CAMKMT: variants seen among roughly 807,000 people sequenced by gnomAD.
The protein encoded by CAMKMT is calmodulin-lysine N-methyltransferase.
In CAMKMT, 53 loss-of-function variants were observed where a neutral mutation model predicts 48.0. The observed-to-expected ratio is 1.10, with a 90% CI of 0.89 to 1.39. The LOEUF (loss-of-function observed/expected upper bound fraction) is 1.39. Ranked by LOEUF, CAMKMT falls within the 40% of genes most tolerant of loss-of-function variation. CAMKMT has a pLI of 0.00. For synonymous variants in CAMKMT, 165 were observed against 152.3 expected, an observed-to-expected ratio of 1.08 and a Z score of -0.61; for missense variants, 428 against 402.7, an observed-to-expected ratio of 1.06 and a Z score of -0.54.
At chr2:44,569,030 C>T (rs1022203617) in intron 3 of CAMKMT, among the ~76,000 whole-genome samples, 2 of 152,198 alleles carry the variant, frequency 1.3e-5, no homozygotes, top group Non-Finnish European at 2.9e-5. Flanking sequence ...CATCACATCT[C>T]AGTTTCTGGA....
intron 3 of CAMKMT, among the ~76,000 whole-genome samples, chr2:44,483,586 C>T (rs143013535): frequency 2.0e-5 from 3 of 152,130 alleles, no homozygotes; most frequent in African/African-American, 7.2e-5. Flanking sequence ...CTAAAGTTTG[C>T]TTGTAATTTG....
At chr2:44,372,611 A>G in intron 1 of CAMKMT, 105 bp from the exon 2 acceptor site, 1 of 868,596 alleles carries the variant, frequency 1.2e-6, no homozygotes, top group South Asian at 1.8e-5. Context: ...ATCTGTCATT[A>G]TTAGAAGGGA....
chr2:44,400,377 G>A (rs902066648), intron 3 of CAMKMT, among the ~76,000 whole-genome samples: 8 of 151,820 alleles, frequency 5.3e-5, no homozygotes, highest in Non-Finnish European at 1.2e-4. Context: ...CTAATGGCCC[G>A]AGTCTGAGCT....
intron 3 of CAMKMT, among the ~76,000 whole-genome samples, chr2:44,424,824 G>A (rs900086888): frequency 2.6e-5 from 4 of 152,084 alleles, no homozygotes; most frequent in Non-Finnish European, 5.9e-5. Context: ...TATACTGCTC[G>A]GGTGATGGGT....
At chr2:44,552,562 G>A (rs1249056494) in intron 3 of CAMKMT, among the ~76,000 whole-genome samples, 1 of 152,154 alleles carries the variant, frequency 6.6e-6, no homozygotes, top group Admixed American at 6.5e-5. Context: ...TGAGGTCTGA[G>A]GCAACCACTC....
chr2:44,665,672 C>A lies in CAMKMT; in HGVS notation c.377-38611C>A, dbSNP rs1674926717. The stretch of plus-strand genomic sequence containing the variant: ...ATTTCTTATATGCCCTATAAGCATA[C>A]CAAAGGTGAAAAGGGGGTTGTACTC... On this transcript the variant is annotated intron_variant, in intron 3 of 10. Coordinates refer to ENST00000378494, the MANE Select transcript of CAMKMT (RefSeq NM_024766.5). 3.9e-5 allele frequency among the ~76,000 whole-genome samples: 6 copies of A among 152,172 alleles called. No individual in the cohort carries two copies. In the South Asian group the frequency reaches 1.2e-3, roughly 32 times the overall value.
At chr2:44,749,879 A>T (rs547713833) in intron 8 of CAMKMT, among the ~76,000 whole-genome samples, 3 of 152,096 alleles carry the variant, frequency 2.0e-5, no homozygotes, top group African/African-American at 7.2e-5. Flanking sequence ...GGTGGTGCTT[A>T]CTCTTGCTGT....
chr2:44,373,750 C>G (rs528910050), intron 2 of CAMKMT, among the ~76,000 whole-genome samples: 50 of 152,070 alleles, frequency 3.3e-4, no homozygotes, highest in African/African-American at 1.2e-3. Context: ...AACATAATAG[C>G]TAAAAATTGG....
chr2:44,568,137 C>T (rs914936352), intron 3 of CAMKMT, among the ~76,000 whole-genome samples: 3 of 151,912 alleles, frequency 2.0e-5, no homozygotes, highest in African/African-American at 4.8e-5. Context: ...CACTGGAGAG[C>T]GAGATGAAGG....
rs1201403485 is a variant in CAMKMT at position 44,664,628 on chromosome 2, TAAAAC to T, written c.377-39651_377-39647del. 2.6e-5 allele frequency among the ~76,000 whole-genome samples: 4 copies of T among 152,226 alleles called. No individual in the cohort carries two copies. In the East Asian group the frequency reaches 5.8e-4, roughly 22 times the overall value. On this transcript the variant is annotated intron_variant, in intron 3 of 10. Coordinates refer to ENST00000378494, the MANE Select transcript of CAMKMT (RefSeq NM_024766.5). ...AAGGTGTTTATAATTTAAGAGGAAATAAAACAAATACATAAATTAAGCTAGAATGT... is the reference window on the plus strand; with the variant it reads ...AAGGTGTTTATAATTTAAGAGGAAATAAATACATAAATTAAGCTAGAATGT...
At chr2:44,366,109 C>T (rs1678561632) in intron 1 of CAMKMT, among the ~76,000 whole-genome samples, 1 of 152,252 alleles carries the variant, frequency 6.6e-6, no homozygotes, top group Admixed American at 6.5e-5. Flanking sequence ...CTTTCTCAAA[C>T]ATTCAACTTG....
At chr2:44,686,011 A>AGAT (rs1451873421) in intron 3 of CAMKMT, among the ~76,000 whole-genome samples, 2 of 152,198 alleles carry the variant, frequency 1.3e-5, no homozygotes, top group African/African-American at 4.8e-5. Flanking sequence ...AATATATGAT[A>AGAT]GATGATAGTA....
Position 44,363,544 on chromosome 2 carries a change from AT to A in CAMKMT, c.138+1413del, listed in dbSNP as rs937323409. 2.8e-3 allele frequency among the ~76,000 whole-genome samples: 394 copies of A among 141,984 alleles called. 3 individuals carry two copies. The highest frequency in any genetic ancestry group is 0.016 in the East Asian group (76 of 4,892). 93.1% of individuals were successfully genotyped at this position (141,984 alleles called of 152,430 possible). On this transcript the variant is annotated intron_variant, in intron 1 of 10. Transcript: ENST00000378494. ...AGGCATGCACCACCACGCCTGGCTA[AT>A]TTTTTTTTTTTTTAAGTAGAGACGG...
chr2:44,366,449 C>G (rs1214471695), intron 1 of CAMKMT, among the ~76,000 whole-genome samples: 2 of 152,042 alleles, frequency 1.3e-5, no homozygotes, highest in Non-Finnish European at 2.9e-5. Context: ...CTTACTTTTG[C>G]TTTCTCTTTT....
chr2:44,692,825 A>G (rs1052523945), intron 3 of CAMKMT, among the ~76,000 whole-genome samples: 5 of 152,212 alleles, frequency 3.3e-5, no homozygotes, highest in African/African-American at 1.2e-4. Context: ...ATTACTTTCT[A>G]ATATCTTACA....
chr2:44,536,326 AC>A, intron 3 of CAMKMT, among the ~76,000 whole-genome samples: 1 of 150,750 alleles, frequency 6.6e-6, no homozygotes, highest in South Asian at 2.1e-4. Context: ...TAAAATACCA[AC>A]TTTTTTTTTT....
chr2:44,641,412 C>A lies in CAMKMT; in HGVS notation c.377-62871C>A, dbSNP rs1221778517. Among the ~76,000 whole-genome samples the A allele has an allele frequency of 3.6e-4, 55 of 152,076 alleles. 1 individual carries two copies. The highest frequency in any genetic ancestry group is 3.6e-3 in the Admixed American group (55 of 15,260). On this transcript the variant is annotated intron_variant, in intron 3 of 10. Coordinates refer to ENST00000378494, the MANE Select transcript of CAMKMT (RefSeq NM_024766.5). ...TATGTATTAGGAACAGCAGTTTTCCCAGCTGAGGTGATAACAGTCCTAGTC... is the reference window on the plus strand; with the variant it reads ...TATGTATTAGGAACAGCAGTTTTCCAAGCTGAGGTGATAACAGTCCTAGTC...
At chr2:44,382,583 G>A (rs902494976) in intron 2 of CAMKMT, among the ~76,000 whole-genome samples, 17 of 151,362 alleles carry the variant, frequency 1.1e-4, no homozygotes, top group Non-Finnish European at 2.1e-4. Context: ...GGTTCATGCC[G>A]ATCTTCTGCC....
chr2:44,506,982 CA>C lies in CAMKMT; in HGVS notation c.376+116679del, dbSNP rs1670292769. ...AAAACGTTTTAATTCGAAAAGCTCA[CA>C]AGGCATTTAGAAAGGTAGTGCCTAC... On this transcript the variant is annotated intron_variant, in intron 3 of 10. Transcript: ENST00000378494. 2.0e-5 allele frequency among the ~76,000 whole-genome samples: 3 copies of C among 152,034 alleles called. No individual in the cohort carries two copies. In the South Asian group the frequency reaches 6.2e-4, roughly 32 times the overall value.
Sources: gnomAD v4.1 joint callset for allele counts (sites outside exome capture counted in the v4.1 genomes callset) on GRCh38, gnomAD v4.1.1 for gene constraint, MANE v1.5 for transcripts, NCBI Gene and HGNC (gene_info 2026-07-23, HGNC 2026-07-21) for gene names.